The following ARPP19 variants were observed in gnomAD, a reference collection of about 807,000 sequenced individuals.
The protein encoded by ARPP19 is cAMP regulated phosphoprotein 19.
A neutral mutation model predicts 12.0 loss-of-function variants in ARPP19; 8 were observed. The observed-to-expected ratio is 0.67, with a 90% CI of 0.39 to 1.21. The LOEUF is 1.21. Among genes scored for constraint, ARPP19 ranks in the 50% most tolerant of loss-of-function variants. The pLI is 0.01. For missense variants in ARPP19, 102 were observed against 136.3 expected, an observed-to-expected ratio of 0.75 and a Z score of 1.25; for synonymous variants, 47 against 50.4, an observed-to-expected ratio of 0.93 and a Z score of 0.29.
intron 1 of ARPP19, among the ~76,000 whole-genome samples, chr15:52,562,520 T>C (rs1202322372): frequency 6.6e-6 from 1 of 151,980 alleles, no homozygotes; most frequent in Non-Finnish European, 1.5e-5. Context: ...ATTTAAAAAT[T>C]AGATAGGTGT....
chr15:52,558,516 CTG>C (rs2078003599), intron 1 of ARPP19, among the ~76,000 whole-genome samples: 1 of 149,912 alleles, frequency 6.7e-6, no homozygotes, highest in Non-Finnish European at 1.5e-5. Context: ...AAAAGCTGTA[CTG>C]AGATAGATAA....
chr15:52,563,152 G>A (rs1366000973), intron 1 of ARPP19, among the ~76,000 whole-genome samples: 1 of 152,112 alleles, frequency 6.6e-6, no homozygotes, highest in Admixed American at 6.6e-5. Flanking sequence ...GGGATTACAG[G>A]TGTGAGCCAC....
chr15:52,563,850 G>GT (rs1286476743), intron 1 of ARPP19, among the ~76,000 whole-genome samples: 1 of 152,176 alleles, frequency 6.6e-6, no homozygotes, highest in Non-Finnish European at 1.5e-5. Flanking sequence ...TACCAATACT[G>GT]TATCAAGCTC....
At chr15:52,567,199 T>C (rs1365348074) in intron 1 of ARPP19, among the ~76,000 whole-genome samples, 1 of 152,216 alleles carries the variant, frequency 6.6e-6, no homozygotes, top group Non-Finnish European at 1.5e-5. Context: ...GAACATTATA[T>C]TCCTAACACA....
At chr15:52,563,795 G>T (rs1283756609) in intron 1 of ARPP19, among the ~76,000 whole-genome samples, 3 of 152,164 alleles carry the variant, frequency 2.0e-5, no homozygotes, top group African/African-American at 7.2e-5. Context: ...TAACTAGAAA[G>T]GATTAATGAA....
chr15:52,568,883 C>T lies in ARPP19; in HGVS notation c.10G>A (p.Glu4Lys). ...TCCGCGGAGGCTGCCTCGGGGACTT[C>T]CGCAGACATAGTGCTCCCTCTGCAG... Reference protein sequence around the residue: MSAEVPEAASAEEQ... With the variant: MSAKVPEAASAEEQ... The change falls in exon 1 of 3, where the codon GAA (glutamate) becomes AAA (lysine). Residue 4 changes from glutamate to lysine, a missense_variant. By Grantham distance (56) the Glu-to-Lys change is moderately conservative. Transcript: ENST00000249822. 3.2e-6 allele frequency: 5 copies of T among 1,576,400 alleles called. No individual in the cohort carries two copies. Among genetic ancestry groups the T allele is most frequent in the Non-Finnish European group, 3.4e-6 (4 of 1,165,056 alleles).
chr15:52,556,818 T>C (rs927330517), intron 2 of ARPP19, among the ~76,000 whole-genome samples: 2 of 152,078 alleles, frequency 1.3e-5, no homozygotes, highest in Non-Finnish European at 2.9e-5. Flanking sequence ...CATGGCAAAA[T>C]ATAAACATTA....
In ARPP19 at chr15:52,568,943, G is replaced by A; in HGVS notation, c.-51C>T. ...CGGGAAAAGATGCAATTAGCGGGTG[G>A]CCGAGGCCACCCGGCCGCCGCCCGT... On this transcript the variant is annotated 5_prime_UTR_variant, in exon 1 of 3. Transcript: ENST00000249822. The A allele has an allele frequency of 9.0e-7, 1 of 1,116,956 alleles. No homozygotes were observed. The highest frequency in any genetic ancestry group is 1.3e-6 in the Non-Finnish European group (1 of 797,286). 69.2% of individuals were successfully genotyped at this position (1,116,956 alleles called of 1,614,324 possible).
At chr15:52,568,724 C>A in intron 1 of ARPP19, 124 bp downstream of exon 1, 1 of 591,640 alleles carries the variant, frequency 1.7e-6, no homozygotes, top group East Asian at 3.6e-5. Context: ...AGGTGGGGCG[C>A]AGGAGCCTCG....
chr15:52,564,174 C>T (rs1002444956), intron 1 of ARPP19: 1 of 1,521,620 alleles, frequency 6.6e-7, no homozygotes, highest in Non-Finnish European at 8.8e-7. Flanking sequence ...CATTTAAAAA[C>T]TTTTCTGAGG....
chr15:52,561,689 C>T (rs749217049), intron 1 of ARPP19, among the ~76,000 whole-genome samples: 1 of 150,970 alleles, frequency 6.6e-6, no homozygotes, highest in Admixed American at 6.6e-5. Context: ...AGAAACCAAA[C>T]ATAAGGAGAA....
In ARPP19 at chr15:52,564,179, C is replaced by T. The variant is rs548709733; in HGVS notation, c.45+4669G>A. 3 of 1,526,124 alleles carry T rather than the reference C, an allele frequency of 2.0e-6. No individual in the cohort carries two copies. The East Asian group carries it at 7.3e-5, about 37-fold the overall frequency. The allele number at this position is 1,526,124 out of a possible 1,614,324, so 94.5% of individuals were successfully genotyped here. On this transcript the variant is annotated intron_variant, in intron 1 of 2. Coordinates refer to ENST00000249822, the MANE Select transcript of ARPP19 (RefSeq NM_006628.6). ...CTAAGAGAAACATTTAAAAACTTTT[C>T]TGAGGTTTACCTCTAGGCTGTTAGG... is the stretch of plus-strand genomic sequence containing the variant.
chr15:52,558,582 T>A (rs1025418287), intron 1 of ARPP19, among the ~76,000 whole-genome samples: 1 of 151,924 alleles, frequency 6.6e-6, no homozygotes, highest in African/African-American at 2.4e-5. Context: ...TTCTGCACAT[T>A]AAATCAGCAA....
Position 52,550,596 on chromosome 15 carries a change from GA to G in ARPP19, c.*1337del, listed in dbSNP as rs1397567112. ...TGCACTACTGCACTAGAGCTCAGGTGACAGAGCAAGGCCCTATCCTAAAAAA... is the reference window on the plus strand; with the variant it reads ...TGCACTACTGCACTAGAGCTCAGGTGCAGAGCAAGGCCCTATCCTAAAAAA... On this transcript the variant is annotated 3_prime_UTR_variant, in exon 3 of 3. Transcript: ENST00000249822. The G allele has an allele frequency of 6.6e-6, 1 of 152,000 alleles. No individual in the cohort carries two copies. Among genetic ancestry groups the G allele is most frequent in the Non-Finnish European group, 1.5e-5 (1 of 68,014 alleles). The allele number at this position is 152,000 out of a possible 1,614,324, so 9.4% of individuals were successfully genotyped here.
intron 1 of ARPP19, among the ~76,000 whole-genome samples, chr15:52,559,777 A>G (rs1364337065): frequency 6.6e-6 from 1 of 152,150 alleles, no homozygotes; most frequent in Admixed American, 6.5e-5. Context: ...CTGCAGCCCA[A>G]GGGTGTTCTC....
At position 52,547,277 on chromosome 15, in the gene ARPP19, A is replaced by G. The variant is rs180752634; in HGVS notation, c.*4657T>C. 71 of 152,338 alleles carry G rather than the reference A, an allele frequency of 4.7e-4. No homozygotes were observed. Among genetic ancestry groups the G allele is most frequent in the African/African-American group, 1.7e-3 (69 of 41,580 alleles). 9.4% of individuals were successfully genotyped at this position (152,338 alleles called of 1,614,324 possible). ...ATCCATTTATTTTTTAAATACAAGT[A>G]TAATTTTGGAAGGGGTATTTGACAA... On this transcript the variant is annotated 3_prime_UTR_variant, in exon 3 of 3. Coordinates refer to ENST00000249822, the MANE Select transcript of ARPP19 (RefSeq NM_006628.6).
In ARPP19 at chr15:52,547,797, A is replaced by G. The variant is rs578125056; in HGVS notation, c.*4137T>C. On this transcript the variant is annotated 3_prime_UTR_variant, in exon 3 of 3. Transcript: ENST00000249822. ...ATTGATTAGGATATTGTTTTAGAAA[A>G]TTTTAAATGTGTCCTAAATTGTGGC... The G allele has an allele frequency of 6.6e-6, 1 of 152,316 alleles. No homozygotes were observed. Among genetic ancestry groups the G allele is most frequent in the South Asian group, 2.1e-4 (1 of 4,828 alleles). 9.4% of individuals were successfully genotyped at this position (152,316 alleles called of 1,614,324 possible). A position where few individuals can be genotyped will look rare whatever the true frequency, so the allele number is the denominator to read the frequency against.
At chr15:52,563,165 TGAA>T (rs908136391) in intron 1 of ARPP19, among the ~76,000 whole-genome samples, 6 of 152,172 alleles carry the variant, frequency 3.9e-5, no homozygotes, top group African/African-American at 1.4e-4. Flanking sequence ...TGAGCCACCG[TGAA>T]GAAGTATTTT....
chr15:52,558,598 C>T (rs972324851), intron 1 of ARPP19, among the ~76,000 whole-genome samples: 1 of 151,910 alleles, frequency 6.6e-6, no homozygotes, highest in African/African-American at 2.4e-5. Context: ...AGCAAAATCA[C>T]ATACCTCTGC....
Sources: gnomAD v4.1 joint callset for allele counts (sites outside exome capture counted in the v4.1 genomes callset) on GRCh38, gnomAD v4.1.1 for gene constraint, MANE v1.5 for transcripts, NCBI Gene and HGNC (gene_info 2026-07-23, HGNC 2026-07-21) for gene names.